ASPM: variants seen among roughly 807,000 people sequenced by gnomAD.
The protein encoded by ASPM is assembly factor for spindle microtubules, also known as abnormal spindle-like microcephaly-associated protein.
Under a neutral mutation model 366.4 loss-of-function variants are expected in ASPM, and 256 were observed. That is an observed-to-expected ratio of 0.70 (90% CI 0.63 to 0.77). The LOEUF (loss-of-function observed/expected upper bound fraction) is 0.77. Ranked by LOEUF, ASPM falls within the 30% of genes least tolerant of loss-of-function variation. ASPM has a pLI of 0.00. For synonymous variants in ASPM, 1,414 were observed against 1,342.9 expected, an observed-to-expected ratio of 1.05 and a Z score of -1.16; for missense variants, 4,146 against 4,090.4, an observed-to-expected ratio of 1.01 and a Z score of -0.37.
Position 197,139,813 on chromosome 1 carries a change from G to A in ASPM, c.1980C>T (p.Ile660=), listed in dbSNP as rs151087446. The A allele has an allele frequency of 5.1e-5, 83 of 1,612,236 alleles. No individual in the cohort carries two copies. In the African/African-American group the frequency reaches 6.7e-4, roughly 13 times the overall value. ...AGGTCAAACTGGACTGTGCCACAGCGATAATGGGTTTTGTCCTTTTGTTTG... is the reference window on the plus strand; with the variant it reads ...AGGTCAAACTGGACTGTGCCACAGCAATAATGGGTTTTGTCCTTTTGTTTG... ...SKTNKRTKPI[I]AVAQSSLTFI... The change falls in exon 4 of 28, where the codon ATC becomes ATT. Residue 660 remains isoleucine (I), a synonymous_variant. Coordinates refer to ENST00000367409, the MANE Select transcript of ASPM (RefSeq NM_018136.5).
At chr1:197,126,755 C>T (rs1482164952) in intron 10 of ASPM, among the ~76,000 whole-genome samples, 1 of 152,088 alleles carries the variant, frequency 6.6e-6, no homozygotes, top group Non-Finnish European at 1.5e-5. Flanking sequence ...GGAAATTTAG[C>T]CTAAAAGAAG....
intron 22 of ASPM, among the ~76,000 whole-genome samples, 181 bp from the exon 23 acceptor site, chr1:197,091,222 G>C (rs1169704796): frequency 2.4e-5 from 2 of 84,970 alleles, no homozygotes; most frequent in African/African-American, 5.7e-5. Context: ...AGTCCATGTT[G>C]GGTGCCTGTG....
In ASPM at chr1:197,121,909, G is replaced by T. The variant is rs568471060; in HGVS notation, c.3870+6C>A. ...ACACTATAGTAGTTTCATATTCTAG[G>T]AGTACCTGATGGCGTTTGAGATCTG... On this transcript the variant is annotated splice_donor_region_variant and intron_variant, in intron 16 of 27. Transcript: ENST00000367409. 1 of 1,604,030 alleles carries T rather than the reference G, an allele frequency of 6.2e-7. No individual in the cohort carries two copies. Among genetic ancestry groups the T allele is most frequent in the Admixed American group, 1.7e-5 (1 of 59,924 alleles).
At chr1:197,128,450 C>T in intron 10 of ASPM, 40 bp downstream of exon 10, 1 of 1,561,590 alleles carries the variant, frequency 6.4e-7, no homozygotes, top group South Asian at 1.1e-5. Context: ...AAATGTTAGT[C>T]TATTCCATTA....
At chr1:197,132,551 C>T (rs1658292061) in intron 6 of ASPM, among the ~76,000 whole-genome samples, 199 bp from the exon 7 acceptor site, 4 of 151,972 alleles carry the variant, frequency 2.6e-5, no homozygotes. Context: ...AAAGCTAAAG[C>T]ATGTATACCT....
Position 197,133,486 on chromosome 1 carries a change from C to T in ASPM, c.2283G>A (p.Arg761=). 1 of 1,614,054 alleles carries T rather than the reference C, an allele frequency of 6.2e-7. No individual in the cohort carries two copies. The highest frequency in any genetic ancestry group is 8.5e-7 in the Non-Finnish European group (1 of 1,179,964). The change falls in exon 6 of 28, where the codon AGG becomes AGA. Residue 761 remains arginine, a synonymous_variant. Coordinates refer to ENST00000367409, the MANE Select transcript of ASPM (RefSeq NM_018136.5). The part of the protein sequence containing the change: ...MSLRAYTARC[R]LNRLRRAACR... Reference sequence around the variant, plus strand: ...ATGCTGCACGACGTAGTCTGTTTAACCTACACCGAGCAGTATAAGCTCTGA... The same window carrying T: ...ATGCTGCACGACGTAGTCTGTTTAATCTACACCGAGCAGTATAAGCTCTGA...
chr1:197,103,497 T>C lies in ASPM; in HGVS notation c.5754A>G (p.Arg1918=), dbSNP rs1203818513. The C allele has an allele frequency of 6.2e-7, 1 of 1,613,188 alleles. No individual in the cohort carries two copies. Among genetic ancestry groups the C allele is most frequent in the Non-Finnish European group, 8.5e-7 (1 of 1,179,482 alleles). ...FRMAKAQKQF[R]LFKTAALVIQ... is the part of the protein sequence containing the mutation. Reference sequence around the variant, plus strand: ...TGACTAATGCTGCTGTTTTAAACAATCTAAACTGTTTCTGGGCCTTGGCCA... The same window carrying C: ...TGACTAATGCTGCTGTTTTAAACAACCTAAACTGTTTCTGGGCCTTGGCCA... The change falls in exon 18 of 28, where the codon AGA becomes AGG. Residue 1918 remains arginine (R), a synonymous_variant. Transcript: ENST00000367409.
In ASPM at chr1:197,146,293, A is replaced by C. The variant is rs1658777417; in HGVS notation, c.145T>G (p.Phe49Val). 1 of 1,614,026 alleles carries C rather than the reference A, an allele frequency of 6.2e-7. No homozygotes were observed. The highest frequency in any genetic ancestry group is 1.1e-5 in the South Asian group (1 of 91,078). Residue 49 changes from phenylalanine to valine, a missense_variant, in exon 1 of 28, where the codon TTC becomes GTC. By Grantham distance (50) the Phe-to-Val change is conservative. Around this residue, in one of 3 missense-constraint regions of ASPM, gnomAD observed 512 missense variants for 471.7 expected, o/e 1.09. Coordinates refer to ENST00000367409, the MANE Select transcript of ASPM (RefSeq NM_018136.5). The part of the protein sequence containing the change: ...LSLSHFCRSP[F>V]LCFGDVLLGA... ...AGGAGAACGTCCCCGAAGCAAAGGA[A>C]AGGAGACCTGCAGAAGTGGCTGAGA...
intron 18 of ASPM, among the ~76,000 whole-genome samples, chr1:197,096,575 T>C (rs532487733): frequency 6.6e-6 from 1 of 151,904 alleles, no homozygotes; most frequent in Non-Finnish European, 1.5e-5. Flanking sequence ...CCAATCCATA[T>C]TCACTTTGGG....
At position 197,101,873 on chromosome 1, in the gene ASPM, C is replaced by T; in HGVS notation, c.7378G>A (p.Ala2460Thr). ...TAAGATGACTGTATTGTAATGGCTG[C>T]CTTTCTTAAGTGCAAGAATTGGTAC... ...KLYQFLHLRKAAITIQSSYRR... is the reference protein window; with the variant it reads ...KLYQFLHLRKTAITIQSSYRR... Residue 2460 changes from alanine to threonine, a missense_variant, in exon 18 of 28, where the codon GCA (alanine) becomes ACA (threonine). Transcript: ENST00000367409. The T allele has an allele frequency of 1.2e-6, 2 of 1,612,632 alleles. No individual in the cohort carries two copies. The highest frequency in any genetic ancestry group is 8.5e-7 in the Non-Finnish European group (1 of 1,179,304).
chr1:197,106,627 A>C (rs1008572003), intron 17 of ASPM, among the ~76,000 whole-genome samples: 7 of 152,050 alleles, frequency 4.6e-5, no homozygotes, highest in African/African-American at 1.7e-4. Flanking sequence ...CATGGAAGAT[A>C]TGATCATCTC....
At chr1:197,140,537 T>C (rs549106967) in intron 3 of ASPM, among the ~76,000 whole-genome samples, 2 of 152,242 alleles carry the variant, frequency 1.3e-5, no homozygotes, top group African/African-American at 2.4e-5. Flanking sequence ...ATTAGGATAC[T>C]GAGGCTTTGA....
In ASPM at chr1:197,146,615, C is replaced by A; in HGVS notation, c.-178G>T. Reference sequence around the variant, plus strand: ...ACTCCCTAGAAAACAGAAAACAAGCCCAATAAACTCGCAAATTAAAAAGAG... The same window carrying A: ...ACTCCCTAGAAAACAGAAAACAAGCACAATAAACTCGCAAATTAAAAAGAG... On this transcript the variant is annotated 5_prime_UTR_variant, in exon 1 of 28. Coordinates refer to ENST00000367409, the MANE Select transcript of ASPM (RefSeq NM_018136.5). 3.0e-6 allele frequency: 2 copies of A among 666,300 alleles called. No individual in the cohort carries two copies. The highest frequency in any genetic ancestry group is 5.1e-6 in the Non-Finnish European group (2 of 393,370). 41.3% of individuals were successfully genotyped at this position (666,300 alleles called of 1,614,324 possible). A position where few individuals can be genotyped will look rare whatever the true frequency, so the allele number is the denominator to read the frequency against.
Position 197,143,284 on chromosome 1 carries a change from T to C in ASPM, c.968A>G (p.Asn323Ser), listed in dbSNP as rs769250812. 3.5e-5 allele frequency: 57 copies of C among 1,613,532 alleles called. No individual in the cohort carries two copies. Among genetic ancestry groups the C allele is most frequent in the Non-Finnish European group, 4.7e-5 (56 of 1,179,516 alleles). The change falls in exon 3 of 28, where the codon AAT (asparagine) becomes AGT (serine). Residue 323 changes from asparagine (N) to serine (S), a missense_variant. This residue lies in a region of ASPM where 512 missense variants were observed against 471.7 expected (regional missense o/e 1.09). Transcript: ENST00000367409. ...IHFLSPDSFV[N>S]NSHGANNELE... The stretch of plus-strand genomic sequence containing the variant: ...TTCATTATTAGCTCCATGACTATTA[T>C]TTACAAAAGAATCTGGACTTAGAAA...
chr1:197,128,583 C>T lies in ASPM; in HGVS notation c.2843G>A (p.Gly948Glu). The change falls in exon 10 of 28, where the codon GGA (glycine) becomes GAA (glutamate). Residue 948 changes from glycine (G) to glutamate (E), a missense_variant. Coordinates refer to ENST00000367409, the MANE Select transcript of ASPM (RefSeq NM_018136.5). ...TGTCTGAACATGGTTAACAGGTAAT[C>T]CCAATAAGCCAAGGTGACGGGAAAG... ...GDLSRHLGLL[G>E]LPVNHVQTPF... The T allele has an allele frequency of 6.2e-7, 1 of 1,613,614 alleles. No homozygotes were observed. The highest frequency in any genetic ancestry group is 2.2e-5 in the East Asian group (1 of 44,864).
rs1656523498 is a variant in ASPM at position 197,084,410 on chromosome 1, C to T, written c.10348G>A (p.Val3450Ile). ...TCTTCCATGTTATCTCTTCTCAAAACCCAATCTGGCTTAAGTCTGTTAAAA... is the reference window on the plus strand; with the variant it reads ...TCTTCCATGTTATCTCTTCTCAAAATCCAATCTGGCTTAAGTCTGTTAAAA... ...RIVSRLKPDW[V>I]LRRDNMEEIT... Residue 3450 changes from valine (V) to isoleucine (I), a missense_variant, in exon 28 of 28, where the codon GTT (valine) becomes ATT (isoleucine). Physicochemically the swap from Val to Ile is conservative, Grantham distance 29. Transcript: ENST00000367409. The T allele has an allele frequency of 2.0e-5, 32 of 1,609,356 alleles. No individual in the cohort carries two copies. The highest frequency in any genetic ancestry group is 2.6e-5 in the Non-Finnish European group (31 of 1,177,938).
At position 197,088,256 on chromosome 1, in the gene ASPM, AG is replaced by A; in HGVS notation, c.10160del (p.Ser3387LeufsTer26). 1 of 1,612,758 alleles carries A rather than the reference AG, an allele frequency of 6.2e-7. No individual in the cohort carries two copies. Among genetic ancestry groups the A allele is most frequent in the Non-Finnish European group, 8.5e-7 (1 of 1,179,226 alleles). The part of the protein sequence containing the change: ...AILLKTTNRA[S>X]DVRSRSKVVD... ...AGAAAGGCAACTGACTAATACTTAC[AG>A]AGGCTCTATTTGTTGTCTTCAGTAA... On this transcript the variant is annotated frameshift_variant and splice_region_variant, in exon 26 of 28. Transcript: ENST00000367409. LOFTEE classifies it high-confidence loss of function.
At position 197,128,255 on chromosome 1, in the gene ASPM, T is replaced by C. The variant is rs375566912; in HGVS notation, c.2936+235A>G. 2.6e-5 allele frequency among the ~76,000 whole-genome samples: 4 copies of C among 151,274 alleles called. No individual in the cohort carries two copies. In the East Asian group the frequency reaches 5.8e-4, roughly 22 times the overall value. ...TATTCTGAGACATCAGTAATTATTA[T>C]CCATGAGTCCCAGTCACATGCCATC... On this transcript the variant is annotated intron_variant, in intron 10 of 27. Transcript: ENST00000367409.
At chr1:197,144,401 A>G (rs1032883183) in intron 1 of ASPM, among the ~76,000 whole-genome samples, 2 of 152,198 alleles carry the variant, frequency 1.3e-5, no homozygotes, top group Non-Finnish European at 2.9e-5. Context: ...TTAATTGTAC[A>G]TTTCTAATTT....
Sources: gnomAD v4.1 joint callset for allele counts (sites outside exome capture counted in the v4.1 genomes callset) on GRCh38, gnomAD v4.1.1 for gene constraint, gnomAD v4.1.1 regional missense constraint, MANE v1.5 for transcripts, NCBI Gene and HGNC (gene_info 2026-07-23, HGNC 2026-07-21) for gene names.